Variants in NPFFR2 observed in about 807,000 individuals in gnomAD.
NPFFR2 encodes the protein neuropeptide FF receptor 2, also known as G-protein coupled receptor 74.
A neutral mutation model predicts 13.1 loss-of-function variants in NPFFR2; 15 were observed. The ratio of observed to expected loss-of-function variants is 1.15; its 90% CI spans 0.77 to 1.76. NPFFR2 has a LOEUF of 1.76. Among genes scored for constraint, NPFFR2 ranks in the 40% most tolerant of loss-of-function variants. The probability of loss-of-function intolerance (pLI) is 0.00; values close to 1 mark genes in which losing one functional copy is unlikely to be tolerated. For synonymous variants in NPFFR2, 190 were observed against 175.7 expected (o/e 1.08, Z -0.65); for missense variants, 572 against 503.5 (o/e 1.14, Z -1.30).
chr4:72,072,147 G>A (rs1312640609), intron 1 of NPFFR2, among the ~76,000 whole-genome samples: 1 of 152,090 alleles, frequency 6.6e-6, no homozygotes, highest in African/African-American at 2.4e-5. Flanking sequence ...AGATTAACAT[G>A]TCTAGTTTTC....
intron 2 of NPFFR2, among the ~76,000 whole-genome samples, chr4:72,136,592 C>G (rs1722420231): frequency 6.6e-6 from 1 of 152,108 alleles, no homozygotes; most frequent in South Asian, 2.1e-4. Flanking sequence ...TGTTATTGAA[C>G]AGGTCACTTT....
At chr4:72,081,183 G>A (rs538063916) in intron 1 of NPFFR2, among the ~76,000 whole-genome samples, 14 of 152,234 alleles carry the variant, frequency 9.2e-5, no homozygotes, top group African/African-American at 3.4e-4. Context: ...AGTATCTACA[G>A]TCCCATTGCT....
chr4:72,140,882 C>T (rs999617173), intron 3 of NPFFR2, among the ~76,000 whole-genome samples: 4 of 152,188 alleles, frequency 2.6e-5, no homozygotes, highest in South Asian at 4.2e-4. Flanking sequence ...GCTGTGAATT[C>T]GTCTCGTCCT....
Position 72,147,560 on chromosome 4 carries a change from C to A in NPFFR2, c.1011C>A (p.Asn337Lys). 1 of 1,614,160 alleles carries A rather than the reference C, an allele frequency of 6.2e-7. No individual in the cohort carries two copies. ...ATCCCATCATTTATGGTTTCTTCAA[C>A]GAGAATTTCCGCCGTGGTTTCCAAG... ...SVNPIIYGFF[N>K]ENFRRGFQEA... Residue 337 changes from asparagine (N) to lysine (K), a missense_variant, in exon 4 of 4, where the codon AAC becomes AAA. Physicochemically the swap from Asn to Lys is moderately conservative, Grantham distance 94. Transcript: ENST00000308744.
intron 1 of NPFFR2, among the ~76,000 whole-genome samples, chr4:72,092,490 T>G (rs1337960145): frequency 6.6e-6 from 1 of 152,144 alleles, no homozygotes; most frequent in Non-Finnish European, 1.5e-5. Flanking sequence ...TTAGGTTTAA[T>G]AGTAATTGTT....
intron 1 of NPFFR2, among the ~76,000 whole-genome samples, chr4:72,036,492 G>A (rs915765174): frequency 3.6e-5 from 5 of 139,104 alleles, no homozygotes; most frequent in Non-Finnish European, 7.5e-5. Context: ...AGTTGGGTTC[G>A]GGTGGTGTGT....
chr4:72,110,321 C>G (rs1351918496), intron 1 of NPFFR2, among the ~76,000 whole-genome samples: 2 of 152,010 alleles, frequency 1.3e-5, no homozygotes, highest in African/African-American at 4.8e-5. Context: ...CCTTCTCAGC[C>G]ATTCTGAACT....
At chr4:72,127,221 G>A (rs1366551300) in intron 1 of NPFFR2, among the ~76,000 whole-genome samples, 17 of 131,138 alleles carry the variant, frequency 1.3e-4, no homozygotes, top group Admixed American at 2.4e-4. Context: ...GGAGAATGGC[G>A]TGAACCCGGG....
chr4:72,087,183 C>T (rs547987986), intron 1 of NPFFR2, among the ~76,000 whole-genome samples: 4 of 152,026 alleles, frequency 2.6e-5, no homozygotes, highest in South Asian at 4.2e-4. Flanking sequence ...CGTAGGAGTT[C>T]GATTTAACAT....
rs201633824 is a variant in NPFFR2 at position 72,072,411 on chromosome 4, CAAAA to C, written c.-8+40216_-8+40219del. Among the ~76,000 whole-genome samples the C allele has an allele frequency of 5.9e-3, 903 of 151,768 alleles. 5 individuals carry two copies. Among genetic ancestry groups the C allele is most frequent in the African/African-American group, 0.021 (867 of 41,376 alleles). ...AGAAAAAAAGAGAATTTGGAGCTGA[CAAAA>C]AAAATAACTGAAATGAATAGTCACT... On this transcript the variant is annotated intron_variant, in intron 1 of 3. Coordinates refer to ENST00000308744, the MANE Select transcript of NPFFR2 (RefSeq NM_004885.3).
intron 1 of NPFFR2, among the ~76,000 whole-genome samples, chr4:72,050,083 T>C (rs928685177): frequency 2.6e-5 from 4 of 152,018 alleles, no homozygotes; most frequent in African/African-American, 9.7e-5. Context: ...TAATCATTAG[T>C]GGCCAATGAT....
At chr4:72,129,189 T>C (rs1722160861) in intron 2 of NPFFR2, among the ~76,000 whole-genome samples, 1 of 152,188 alleles carries the variant, frequency 6.6e-6, no homozygotes, top group South Asian at 2.1e-4. Context: ...TATAGAGTAT[T>C]CACTGGAGGT....
intron 3 of NPFFR2, among the ~76,000 whole-genome samples, chr4:72,140,679 T>A (rs1006141097): frequency 2.0e-5 from 3 of 152,240 alleles, no homozygotes; most frequent in Non-Finnish European, 4.4e-5. Context: ...CATTGAGGAT[T>A]TCCGGATCGA....
At chr4:72,137,981 A>G (rs1722469942) in intron 2 of NPFFR2, 59 bp from the exon 3 acceptor site, 1 of 1,327,142 alleles carries the variant, frequency 7.5e-7, no homozygotes. Flanking sequence ...TTCTATTTTC[A>G]TTTTCAGTGA....
At chr4:72,084,419 T>C (rs1465881096) in intron 1 of NPFFR2, among the ~76,000 whole-genome samples, 1 of 152,032 alleles carries the variant, frequency 6.6e-6, no homozygotes, top group African/African-American at 2.4e-5. Context: ...AAGGATGAAA[T>C]TGAAAAAGAC....
At chr4:72,080,602 T>C (rs997057253) in intron 1 of NPFFR2, among the ~76,000 whole-genome samples, 5 of 152,134 alleles carry the variant, frequency 3.3e-5, no homozygotes, top group African/African-American at 1.2e-4. Flanking sequence ...ATGCTAAAAT[T>C]AGAATATTTG....
At chr4:72,035,904 G>C (rs1719028651) in intron 1 of NPFFR2, among the ~76,000 whole-genome samples, 2 of 152,098 alleles carry the variant, frequency 1.3e-5, no homozygotes, top group African/African-American at 4.8e-5. Flanking sequence ...TAAAGCACCT[G>C]CCATTAGAAC....
chr4:72,102,622 G>A lies in NPFFR2; in HGVS notation c.-7-25963G>A, dbSNP rs561506062. Among the ~76,000 whole-genome samples, 496 of 148,270 alleles carry A rather than the reference G, an allele frequency of 3.3e-3. 4 individuals are homozygous for A. The highest frequency in any genetic ancestry group is 0.011 in the African/African-American group (456 of 40,084). ...TTCCCACCTATGAGTGAGAATATGC[G>A]GTGTTTGTTTTTTTGTCCTTGCGAT... On this transcript the variant is annotated intron_variant, in intron 1 of 3. Coordinates refer to ENST00000308744, the MANE Select transcript of NPFFR2 (RefSeq NM_004885.3).
intron 1 of NPFFR2, among the ~76,000 whole-genome samples, chr4:72,044,846 G>A (rs1475159683): frequency 1.3e-5 from 2 of 152,004 alleles, no homozygotes; most frequent in Non-Finnish European, 2.9e-5. Context: ...ATTCAGCAGA[G>A]TCTCTATACT....
Sources: allele counts gnomAD v4.1 joint callset (sites outside exome capture counted in the v4.1 genomes callset), GRCh38; gene constraint gnomAD v4.1.1; transcripts MANE v1.5; gene names NCBI Gene and HGNC (gene_info 2026-07-23, HGNC 2026-07-21).